Variants in DCC observed in about 807,000 individuals in gnomAD.
DCC encodes DCC netrin 1 receptor, also known as netrin receptor DCC.
Under a neutral mutation model 172.5 loss-of-function variants are expected in DCC, and 58 were observed. That is an observed-to-expected ratio of 0.34 (90% confidence interval 0.27 to 0.42). DCC has a LOEUF of 0.42. Among genes scored for constraint, DCC ranks in the 10% least tolerant of loss-of-function variants. The pLI, the probability that DCC is intolerant of heterozygous loss-of-function variation, is 1.00. For missense variants in DCC, 1,740 were observed against 1,791.0 expected (o/e 0.97, Z 0.51); for synonymous variants, 709 against 644.5 (o/e 1.10, Z -1.52).
intron 2 of DCC, among the ~76,000 whole-genome samples, chr18:52,873,281 G>A (rs1400262668): frequency 2.0e-5 from 3 of 152,146 alleles, no homozygotes; most frequent in South Asian, 4.1e-4. Flanking sequence ...TACAGAGGTC[G>A]GGACAGAAGC....
At chr18:53,031,418 G>A (rs1315877701) in intron 5 of DCC, among the ~76,000 whole-genome samples, 1 of 151,998 alleles carries the variant, frequency 6.6e-6, no homozygotes, top group Non-Finnish European at 1.5e-5. Context: ...AAAATATTAT[G>A]TGGGAAGTTG....
chr18:52,750,472 C>T (rs1325518617), intron 1 of DCC, among the ~76,000 whole-genome samples: 2 of 152,168 alleles, frequency 1.3e-5, no homozygotes, highest in Admixed American at 6.5e-5. Context: ...GTTATGTGCT[C>T]ACCATTATTT....
At chr18:52,946,924 G>A (rs1286112899) in intron 5 of DCC, among the ~76,000 whole-genome samples, 19 of 152,070 alleles carry the variant, frequency 1.2e-4, no homozygotes, top group Admixed American at 9.8e-4. Context: ...CAAAATCAAC[G>A]CAAACATCCA....
chr18:53,429,165 T>G (rs1460071849), intron 21 of DCC, among the ~76,000 whole-genome samples: 2 of 134,412 alleles, frequency 1.5e-5, no homozygotes, highest in Non-Finnish European at 3.1e-5. Context: ...CGAAGTATAC[T>G]GCTTTTACTT....
rs543119615 is a variant in DCC, at chr18:53,250,929, A to G, written c.1911+35332A>G. ...CTCATCGAGGTCATCCGTGACCTCT[A>G]TGCTGTTCTTTCCGAACAGATGAGC... On this transcript the variant is annotated intron_variant, in intron 12 of 28. Transcript: ENST00000442544. Among the ~76,000 whole-genome samples the G allele has an allele frequency of 3.9e-5, 6 of 152,048 alleles. No homozygotes were observed. In the South Asian group the frequency reaches 1.2e-3, roughly 31 times the overall value.
At chr18:52,847,384 G>A (rs2038911297) in intron 2 of DCC, among the ~76,000 whole-genome samples, 1 of 152,146 alleles carries the variant, frequency 6.6e-6, no homozygotes, top group Non-Finnish European at 1.5e-5. Context: ...TTTTCAGGTG[G>A]CTCATGGAGG....
chr18:52,724,851 G>A (rs1173822507), intron 1 of DCC, among the ~76,000 whole-genome samples: 7 of 152,188 alleles, frequency 4.6e-5, no homozygotes, highest in South Asian at 4.1e-4. Context: ...TCCCCTAGAC[G>A]GAGTCTTGGT....
intron 2 of DCC, among the ~76,000 whole-genome samples, chr18:52,818,724 C>T (rs1399426580): frequency 6.6e-6 from 1 of 152,188 alleles, no homozygotes; most frequent in Non-Finnish European, 1.5e-5. Flanking sequence ...TCTTCATGTG[C>T]TAAACACATA....
intron 1 of DCC, among the ~76,000 whole-genome samples, chr18:52,686,502 TG>T (rs2035838047): frequency 6.6e-6 from 1 of 152,128 alleles, no homozygotes; most frequent in Non-Finnish European, 1.5e-5. Context: ...TTTTTGGAAT[TG>T]AGGTAATGTT....
At chr18:53,085,989 C>CTT (rs1568294134) in intron 7 of DCC, among the ~76,000 whole-genome samples, 1 of 55,932 alleles carries the variant, frequency 1.8e-5, no homozygotes, top group Non-Finnish European at 3.2e-5. Flanking sequence ...TCTTCTTCTT[C>CTT]TCCTTCTCCT....
chr18:52,538,051 G>C (rs1385038174), intron 1 of DCC, among the ~76,000 whole-genome samples: 1 of 152,138 alleles, frequency 6.6e-6, no homozygotes, highest in African/African-American at 2.4e-5. Flanking sequence ...ATCACAAAGA[G>C]GATCTTTCTA....
At chr18:53,018,710 A>C (rs1455432993) in intron 5 of DCC, among the ~76,000 whole-genome samples, 1 of 152,166 alleles carries the variant, frequency 6.6e-6, no homozygotes, top group Non-Finnish European at 1.5e-5. Flanking sequence ...GAATAGATGA[A>C]AGAACAAATG....
chr18:52,879,412 C>CTTTTTT lies in DCC; in HGVS notation c.413-26608_413-26603dup, dbSNP rs71175533. On this transcript the variant is annotated intron_variant, in intron 2 of 28. Coordinates refer to ENST00000442544, the MANE Select transcript of DCC (RefSeq NM_005215.4). ...AATTTCTAGCCCATATGTTGTTTGGCTTTTTTTTTTTTTTTTTTTTTTTTT... is the reference window on the plus strand; with the variant it reads ...AATTTCTAGCCCATATGTTGTTTGGCTTTTTTTTTTTTTTTTTTTTTTTTTTTTTTT... 3.7e-3 allele frequency among the ~76,000 whole-genome samples: 230 copies of CTTTTTT among 62,280 alleles called. 34 individuals carry two copies. The highest frequency in any genetic ancestry group is 9.2e-3 in the African/African-American group (133 of 14,476). The allele number at this position is 62,280 out of a possible 152,430, so 40.9% of individuals were successfully genotyped here. A position where few individuals can be genotyped will look rare whatever the true frequency, so the allele number is the denominator to read the frequency against.
chr18:52,926,664 G>T (rs780430012), intron 5 of DCC, among the ~76,000 whole-genome samples: 2 of 151,332 alleles, frequency 1.3e-5, no homozygotes, highest in Admixed American at 6.6e-5. Flanking sequence ...AGCATTACTT[G>T]CATGAGGTCA....
intron 5 of DCC, 131 bp downstream of exon 5, chr18:52,925,501 A>C: frequency 2.2e-6 from 2 of 901,922 alleles, no homozygotes; most frequent in Non-Finnish European, 3.7e-6. Context: ...TACTCCACAC[A>C]TGTCCTTGCT....
At chr18:52,539,669 G>A (rs2032384351) in intron 1 of DCC, among the ~76,000 whole-genome samples, 1 of 152,058 alleles carries the variant, frequency 6.6e-6, no homozygotes, top group Admixed American at 6.6e-5. Flanking sequence ...GCCAGTCTCT[G>A]GTACCAATTA....
At chr18:52,801,919 TA>T (rs2037995718) in intron 2 of DCC, among the ~76,000 whole-genome samples, 1 of 152,188 alleles carries the variant, frequency 6.6e-6, no homozygotes, top group Admixed American at 6.5e-5. Context: ...AGTGACCCTT[TA>T]GACATGCAGA....
chr18:52,742,731 AG>A (rs2145116655), intron 1 of DCC, among the ~76,000 whole-genome samples: 1 of 149,792 alleles, frequency 6.7e-6, no homozygotes, highest in South Asian at 2.1e-4. Flanking sequence ...CTAAAAAGCA[AG>A]CAATTTTCCA....
rs1407222761 is a variant in DCC at position 53,446,113 on chromosome 18, AAC to A, written c.3230-4385_3230-4384del. Among the ~76,000 whole-genome samples the A allele has an allele frequency of 2.3e-4, 32 of 137,930 alleles. 2 individuals are homozygous for A. The highest frequency in any genetic ancestry group is 1.2e-3 in the East Asian group (6 of 5,098). The allele number at this position is 137,930 out of a possible 152,430, so 90.5% of individuals were successfully genotyped here. On this transcript the variant is annotated intron_variant, in intron 22 of 28. Coordinates refer to ENST00000442544, the MANE Select transcript of DCC (RefSeq NM_005215.4). ...CCTGTCTCTACAAAAAAAAAAAAAA[AAC>A]AAAAAAAAACACTTAAAAATTTTCC...
Sources: gnomAD v4.1 joint callset for allele counts (sites outside exome capture counted in the v4.1 genomes callset) on GRCh38, gnomAD v4.1.1 for gene constraint, MANE v1.5 for transcripts, NCBI Gene and HGNC (gene_info 2026-07-23, HGNC 2026-07-21) for gene names.